Variants in DRC8 observed in about 807,000 individuals in gnomAD.
DRC8 encodes dynein regulatory complex subunit 8.
At chr1:245,076,101 G>A in the DRC8 span, among the ~76,000 whole-genome samples, 1 of 152,184 alleles carries the variant, frequency 6.6e-6, no homozygotes, top group African/African-American at 2.4e-5. Flanking sequence ...AGGCGGCAGA[G>A]GCAAACTTCT....
the DRC8 span, among the ~76,000 whole-genome samples, chr1:245,100,966 C>T: frequency 6.6e-6 from 1 of 152,004 alleles, no homozygotes; most frequent in African/African-American, 2.4e-5. Context: ...CTCACTGCAA[C>T]CTCCGCCTCC....
At chr1:245,071,253 C>T in the DRC8 span, among the ~76,000 whole-genome samples, 3 of 152,150 alleles carry the variant, frequency 2.0e-5, no homozygotes, top group African/African-American at 7.2e-5. Context: ...GCTAGAAAAG[C>T]CTGGATTGCT....
chr1:245,074,821 AAT>A, the DRC8 span, among the ~76,000 whole-genome samples: 3 of 152,234 alleles, frequency 2.0e-5, no homozygotes, highest in Admixed American at 6.5e-5. Flanking sequence ...AAGGTAGAGA[AAT>A]ATTTTCTAAA....
At chr1:245,090,684 G>GT in the DRC8 span, among the ~76,000 whole-genome samples, 258 of 142,134 alleles carry the variant, frequency 1.8e-3, 2 homozygotes, top group Middle Eastern at 3.6e-3. Flanking sequence ...TTCTGTTTAC[G>GT]TTTTTTTTTT....
chr1:245,091,041 T>C, the DRC8 span: 6 of 152,176 alleles, frequency 3.9e-5, no homozygotes, highest in African/African-American at 1.4e-4. Context: ...ACCTGAGATT[T>C]TCCCAAGGTA....
the DRC8 span, among the ~76,000 whole-genome samples, chr1:244,995,660 T>A: frequency 6.6e-6 from 1 of 152,130 alleles, no homozygotes; most frequent in Non-Finnish European, 1.5e-5. Flanking sequence ...TCTCTTGTAT[T>A]TTATTATGCG....
the DRC8 span, among the ~76,000 whole-genome samples, chr1:244,983,434 G>A: frequency 6.6e-6 from 1 of 152,070 alleles, no homozygotes; most frequent in African/African-American, 2.4e-5. Context: ...AAGTAATTGT[G>A]GTTTTTGCTA....
At chr1:245,102,248 A>G in the DRC8 span, among the ~76,000 whole-genome samples, 4 of 152,360 alleles carry the variant, frequency 2.6e-5, no homozygotes, top group African/African-American at 9.6e-5. Context: ...ACTAGTTCTC[A>G]AATCAAGACA....
chr1:245,026,968 G>GAA, the DRC8 span, among the ~76,000 whole-genome samples: 1 of 152,084 alleles, frequency 6.6e-6, no homozygotes, highest in Non-Finnish European at 1.5e-5. Context: ...TTCTTGTCAG[G>GAA]AAAAAAATTC....
chr1:245,094,639 C>G, the DRC8 span, among the ~76,000 whole-genome samples: 1 of 152,174 alleles, frequency 6.6e-6, no homozygotes, highest in East Asian at 1.9e-4. Flanking sequence ...TTCCTGCACC[C>G]TGAGGAGTTA....
the DRC8 span, among the ~76,000 whole-genome samples, chr1:245,033,743 T>A: frequency 1.3e-5 from 2 of 152,142 alleles, no homozygotes; most frequent in Admixed American, 6.6e-5. Context: ...TTTTCTTTTT[T>A]TTGACAGAGT....
the DRC8 span, among the ~76,000 whole-genome samples, chr1:245,070,001 C>T: frequency 6.6e-6 from 1 of 152,032 alleles, no homozygotes; most frequent in Admixed American, 6.5e-5. Context: ...GCTATCGTGG[C>T]ACCACCACAC....
the DRC8 span, chr1:244,970,330 C>T: frequency 1.3e-6 from 2 of 1,506,202 alleles, no homozygotes; most frequent in South Asian, 1.2e-5. Flanking sequence ...CTCCTCCAGG[C>T]CAGGCTCGCC....
At chr1:245,070,884 A>G in the DRC8 span, among the ~76,000 whole-genome samples, 2 of 152,220 alleles carry the variant, frequency 1.3e-5, no homozygotes, top group South Asian at 2.1e-4. Context: ...TAGCAATGTT[A>G]TAAAAGGGCT....
the DRC8 span, among the ~76,000 whole-genome samples, chr1:245,059,183 A>G: frequency 9.2e-5 from 14 of 152,170 alleles, no homozygotes. Context: ...GGCATTTGCC[A>G]GTCAATGAAA....
At chr1:245,013,474 C>T in the DRC8 span, among the ~76,000 whole-genome samples, 2 of 152,188 alleles carry the variant, frequency 1.3e-5, no homozygotes, top group Middle Eastern at 3.4e-3. Context: ...GTGTTCAACT[C>T]GTTGAATTTC....
chr1:245,103,071 G>A, the DRC8 span, among the ~76,000 whole-genome samples: 33 of 146,418 alleles, frequency 2.3e-4, no homozygotes, highest in African/African-American at 8.5e-4. Context: ...CTGTGAGGCT[G>A]ACGAGGATGA....
At chr1:245,083,825 C>T in the DRC8 span, 1 of 1,312,390 alleles carries the variant, frequency 7.6e-7, no homozygotes, top group South Asian at 1.6e-5. Flanking sequence ...GCTATTTTGG[C>T]TTGGGGATGG....
the DRC8 span, among the ~76,000 whole-genome samples, chr1:245,025,320 C>G: frequency 6.6e-6 from 1 of 151,012 alleles, no homozygotes; most frequent in African/African-American, 2.5e-5. Context: ...TAAAAGTACA[C>G]CACAAGTCCG....
Sources: allele counts gnomAD v4.1 joint callset (sites outside exome capture counted in the v4.1 genomes callset), GRCh38; gene constraint gnomAD v4.1.1; transcripts MANE v1.5; gene names NCBI Gene and HGNC (gene_info 2026-07-23, HGNC 2026-07-21).